The following TLR6 variants were observed in gnomAD, a reference collection of about 807,000 sequenced individuals.
The protein encoded by TLR6 is toll like receptor 6.
A neutral mutation model predicts 16.1 loss-of-function variants in TLR6; 9 were observed. The observed-to-expected ratio is 0.56, with a 90% CI of 0.34 to 0.98. The LOEUF (loss-of-function observed/expected upper bound fraction) is 0.98. Among genes scored for constraint, TLR6 ranks in the 50% least tolerant of loss-of-function variants. The pLI, the probability that TLR6 is intolerant of heterozygous loss-of-function variation, is 0.02. For missense variants in TLR6, 786 were observed against 921.0 expected (o/e 0.85, Z 1.90); for synonymous variants, 340 against 338.6 (o/e 1.00, Z -0.04).
upstream of TLR6, among the ~76,000 whole-genome samples, chr4:38,858,831 GGA>G (rs576692187): frequency 4.1e-3 from 210 of 51,486 alleles, 1 homozygote; most frequent in Middle Eastern, 0.011. Flanking sequence ...GAGAGAGAGA[GGA>G]AGAAAGAAAG....
chr4:38,827,033 C>G, exon 2 of TLR6: 1 of 1,392,112 alleles, frequency 7.2e-7, no homozygotes, highest in Non-Finnish European at 9.6e-7. Context: ...GTACTATTCA[C>G]CATCATCCAA....
upstream of TLR6, among the ~76,000 whole-genome samples, chr4:38,857,908 T>C (rs1363184631): frequency 6.6e-6 from 1 of 152,184 alleles, no homozygotes; most frequent in Non-Finnish European, 1.5e-5. Flanking sequence ...GAAAACCAGA[T>C]TTGTGAAACA....
At chr4:38,864,710 T>C in the TLR6 span, among the ~76,000 whole-genome samples, 1 of 152,064 alleles carries the variant, frequency 6.6e-6, no homozygotes, top group Non-Finnish European at 1.5e-5. Context: ...CAGCAAACAT[T>C]TAGAAATATG....
chr4:38,859,987 G>A (rs1399706574), upstream of TLR6, among the ~76,000 whole-genome samples: 1 of 151,858 alleles, frequency 6.6e-6, no homozygotes, highest in East Asian at 1.9e-4. Flanking sequence ...ATAATCTGAG[G>A]CCACCCAATA....
the TLR6 span, among the ~76,000 whole-genome samples, chr4:38,866,325 C>G: frequency 6.7e-6 from 1 of 148,894 alleles, no homozygotes; most frequent in Non-Finnish European, 1.5e-5. Context: ...AACCCCGTCT[C>G]TACTAAAAAA....
intron 1 of TLR6, among the ~76,000 whole-genome samples, chr4:38,854,192 G>T (rs906210709): frequency 1.3e-5 from 2 of 152,048 alleles, no homozygotes; most frequent in African/African-American, 4.8e-5. Flanking sequence ...AAAACAGCAC[G>T]TTAAATCAAA....
chr4:38,848,674 T>C (rs539129507), intron 1 of TLR6, among the ~76,000 whole-genome samples: 2 of 152,070 alleles, frequency 1.3e-5, no homozygotes, highest in Non-Finnish European at 2.9e-5. Context: ...GAAGAAAGAG[T>C]ATCAGTGATT....
rs1306343965 is a variant in TLR6, at chr4:38,829,143, G to A, written c.331C>T (p.Gln111Ter). The A allele has an allele frequency of 6.2e-7, 1 of 1,613,946 alleles. No homozygotes were observed. Among genetic ancestry groups the A allele is most frequent in the Non-Finnish European group, 8.5e-7 (1 of 1,179,980 alleles). ...GGATGGCAGGATATCTTTTGCAACTGATTATGAGATAAATCCAAATATTCT... is the reference window on the plus strand; with the variant it reads ...GGATGGCAGGATATCTTTTGCAACTAATTATGAGATAAATCCAAATATTCT... The change falls in exon 2 of 2, where the codon CAG (glutamine) becomes TAG (stop). Residue 111 changes from glutamine (Q) to a stop codon, truncating the protein, a stop_gained. Coordinates refer to ENST00000436693, the Ensembl canonical transcript of TLR6. LOFTEE classifies it low-confidence loss of function (END_TRUNC).
chr4:38,858,945 G>C (rs1273225979), upstream of TLR6, among the ~76,000 whole-genome samples: 1 of 152,200 alleles, frequency 6.6e-6, no homozygotes, highest in Admixed American at 6.5e-5. Flanking sequence ...TGTAAGAAGA[G>C]TATGACATCA....
upstream of TLR6, among the ~76,000 whole-genome samples, chr4:38,859,341 G>C (rs1311970744): frequency 1.3e-5 from 2 of 152,170 alleles, no homozygotes; most frequent in East Asian, 1.9e-4. Context: ...ATCACCCTAT[G>C]AACAGCTTGA....
the TLR6 span, among the ~76,000 whole-genome samples, chr4:38,865,185 A>G: frequency 6.6e-6 from 1 of 152,190 alleles, no homozygotes; most frequent in Non-Finnish European, 1.5e-5. Flanking sequence ...TTAAATCTAG[A>G]TATCATCATA....
At chr4:38,829,468 G>T (rs754148471) in exon 2 of TLR6, 1 of 1,606,666 alleles carries the variant, frequency 6.2e-7, no homozygotes. Flanking sequence ...CTTTGTCTTT[G>T]GTCATGATGT....
exon 2 of TLR6, chr4:38,828,535 C>T (rs575437783): frequency 1.6e-5 from 26 of 1,613,952 alleles, no homozygotes; most frequent in Middle Eastern, 1.7e-4. Context: ...AAACTTGGTT[C>T]GTGATATGTT....
chr4:38,854,096 A>T (rs935177827), intron 1 of TLR6, among the ~76,000 whole-genome samples: 20 of 152,220 alleles, frequency 1.3e-4, no homozygotes, highest in Admixed American at 1.2e-3. Flanking sequence ...TTAACATTCA[A>T]AATTAAGTTT....
chr4:38,827,419 C>A (rs1415008176), exon 2 of TLR6: 1 of 1,614,166 alleles, frequency 6.2e-7, no homozygotes, highest in Non-Finnish European at 8.5e-7. Flanking sequence ...TGATATTTTC[C>A]ACAATGCTCT....
chr4:38,847,970 T>TG (rs199505548), intron 1 of TLR6, among the ~76,000 whole-genome samples: 3,066 of 152,320 alleles, frequency 0.02, 47 homozygotes, highest in Non-Finnish European at 0.026. Flanking sequence ...GATCTGGGAA[T>TG]GGACAGACTG....
At chr4:38,828,931 A>G in exon 2 of TLR6, 1 of 1,608,974 alleles carries the variant, frequency 6.2e-7, no homozygotes, top group Non-Finnish European at 8.5e-7. Flanking sequence ...CTTTTATATA[A>G]TAATTTCTTA....
chr4:38,838,942 A>G (rs1354186775), intron 1 of TLR6, among the ~76,000 whole-genome samples: 7 of 121,146 alleles, frequency 5.8e-5, no homozygotes, highest in African/African-American at 2.8e-4. Flanking sequence ...GGAAGGAAGG[A>G]AGGGAGGAAG....
rs547643404 is a variant in TLR6 at position 38,850,660 on chromosome 4, C to G, written c.-65+6101G>C. 5.3e-5 allele frequency among the ~76,000 whole-genome samples: 8 copies of G among 152,338 alleles called. No homozygotes were observed. In the South Asian group the frequency reaches 1.0e-3, roughly 20 times the overall value. ...GTGAATAAATTCCTCGACACCTACA[C>G]TCTCCCAAGACTAAACCAGGAAGAA... On this transcript the variant is annotated intron_variant, in intron 1 of 1. Transcript: ENST00000436693.
Sources: gnomAD v4.1 joint callset for allele counts (sites outside exome capture counted in the v4.1 genomes callset) on GRCh38, gnomAD v4.1.1 for gene constraint, MANE v1.5 for transcripts, NCBI Gene and HGNC (gene_info 2026-07-23, HGNC 2026-07-21) for gene names.